NBAS: variants seen among roughly 807,000 people sequenced by gnomAD.
The protein encoded by NBAS is NBAS subunit of NRZ tethering complex, also known as NAG/BC035112 fusion.
A neutral mutation model predicts 302.5 loss-of-function variants in NBAS; 219 were observed. The ratio of observed to expected loss-of-function variants is 0.72; its 90% confidence interval spans 0.65 to 0.81. The LOEUF (loss-of-function observed/expected upper bound fraction) is 0.81, where lower values mean the gene tolerates loss of function less well. Ranked by LOEUF, NBAS falls within the 30% of genes least tolerant of loss-of-function variation. The pLI is 0.00. For missense variants in NBAS, 2,932 were observed against 2,841.6 expected (o/e 1.03, Z -0.72); for synonymous variants, 1,118 against 1,021.6 (o/e 1.09, Z -1.80).
intron 44 of NBAS, among the ~76,000 whole-genome samples, chr2:15,268,487 T>G (rs1183241063): frequency 6.6e-6 from 1 of 152,150 alleles, no homozygotes; most frequent in Admixed American, 6.6e-5. Context: ...ATGGTAATAC[T>G]TAGGACAATT....
At chr2:15,419,830 G>T (rs1302077858) in intron 23 of NBAS, among the ~76,000 whole-genome samples, 1 of 151,870 alleles carries the variant, frequency 6.6e-6, no homozygotes, top group Non-Finnish European at 1.5e-5. Flanking sequence ...TCCTGCCTCA[G>T]CCTCCCGAGT....
intron 48 of NBAS, among the ~76,000 whole-genome samples, chr2:15,198,465 A>G (rs1665719825): frequency 1.3e-5 from 2 of 152,158 alleles, no homozygotes; most frequent in South Asian, 2.1e-4. Flanking sequence ...GAGGTAAGGG[A>G]AAAAAGAGAA....
chr2:14,806,111 G>C, the NBAS span, among the ~76,000 whole-genome samples: 16 of 152,090 alleles, frequency 1.1e-4, no homozygotes, highest in African/African-American at 3.6e-4. Context: ...ACACATATGG[G>C]TTTCCCCTGA....
chr2:15,165,104 G>A (rs951074013), downstream of NBAS, among the ~76,000 whole-genome samples: 7 of 152,214 alleles, frequency 4.6e-5, no homozygotes, highest in African/African-American at 1.7e-4. Context: ...GAAGAAAAAG[G>A]TCTCAGGAGG....
chr2:15,480,015 A>G (rs1680359469), intron 12 of NBAS, among the ~76,000 whole-genome samples: 1 of 152,038 alleles, frequency 6.6e-6, no homozygotes, highest in African/African-American at 2.4e-5. Context: ...CTTCCTACAC[A>G]CTCCCAAAAG....
intron 12 of NBAS, among the ~76,000 whole-genome samples, chr2:15,480,487 G>T (rs560431282): frequency 1.3e-5 from 2 of 152,174 alleles, no homozygotes; most frequent in East Asian, 3.9e-4. Flanking sequence ...CACAAAGAGA[G>T]GTATAGATAA....
At chr2:15,105,344 A>C in the NBAS span, among the ~76,000 whole-genome samples, 33 of 152,104 alleles carry the variant, frequency 2.2e-4, no homozygotes, top group Admixed American at 6.6e-4. Context: ...CCACCATGGC[A>C]TGTGTATACC....
At chr2:14,925,330 A>T in the NBAS span, among the ~76,000 whole-genome samples, 10 of 152,224 alleles carry the variant, frequency 6.6e-5, no homozygotes, top group South Asian at 2.1e-3. Flanking sequence ...CGCCTTAGAG[A>T]GGAGTTATTC....
the NBAS span, among the ~76,000 whole-genome samples, chr2:15,011,917 G>A: frequency 6.6e-6 from 1 of 152,108 alleles, no homozygotes; most frequent in African/African-American, 2.4e-5. Context: ...CTATATGAAT[G>A]AGTATTTTCC....
intron 40 of NBAS, among the ~76,000 whole-genome samples, chr2:15,305,840 A>G (rs965528636): frequency 6.6e-6 from 1 of 152,214 alleles, no homozygotes; most frequent in African/African-American, 2.4e-5. Context: ...GTAGGCAAAC[A>G]GTAGGACCTT....
chr2:15,144,065 A>AT, the NBAS span, among the ~76,000 whole-genome samples: 33 of 121,608 alleles, frequency 2.7e-4, 2 homozygotes, highest in East Asian at 2.1e-3. Context: ...ATATATATAT[A>AT]TATCTCCCAT....
At chr2:14,852,811 A>C in the NBAS span, among the ~76,000 whole-genome samples, 2 of 141,264 alleles carry the variant, frequency 1.4e-5, no homozygotes, top group Non-Finnish European at 3.0e-5. Flanking sequence ...GAGAAAAACA[A>C]GCAATGGGGA....
intron 21 of NBAS, among the ~76,000 whole-genome samples, chr2:15,444,797 C>T (rs994375451): frequency 6.6e-6 from 1 of 151,514 alleles, no homozygotes; most frequent in East Asian, 1.9e-4. Flanking sequence ...TGAACTCAAA[C>T]AAATTTACAA....
chr2:14,981,840 GCTGGAGT>G, the NBAS span, among the ~76,000 whole-genome samples: 1 of 152,212 alleles, frequency 6.6e-6, no homozygotes, highest in Non-Finnish European at 1.5e-5. Context: ...TCACCAGAAT[GCTGGAGT>G]TTATGACAGC....
At chr2:14,909,319 C>CAA in the NBAS span, among the ~76,000 whole-genome samples, 156 of 46,684 alleles carry the variant, frequency 3.3e-3, 2 homozygotes, top group African/African-American at 1.0e-2. Context: ...GACTCCGTCT[C>CAA]AAAAAAAAAA....
chr2:14,791,295 T>G, the NBAS span, among the ~76,000 whole-genome samples: 1 of 152,208 alleles, frequency 6.6e-6, no homozygotes, highest in Non-Finnish European at 1.5e-5. Flanking sequence ...CCGGCCTTCA[T>G]GCCTTTTTTC....
intron 31 of NBAS, among the ~76,000 whole-genome samples, chr2:15,373,475 C>T (rs1044504177): frequency 3.9e-5 from 6 of 152,072 alleles, no homozygotes; most frequent in African/African-American, 7.2e-5. Context: ...GGACTACATA[C>T]GCATGCCATT....
the NBAS span, among the ~76,000 whole-genome samples, chr2:14,922,159 T>C: frequency 1.3e-5 from 2 of 152,158 alleles, no homozygotes; most frequent in East Asian, 3.9e-4. Flanking sequence ...AAAACAGAGA[T>C]GTCAGAAAAG....
chr2:15,161,865 A>T, the NBAS span, among the ~76,000 whole-genome samples: 1 of 152,298 alleles, frequency 6.6e-6, no homozygotes, highest in East Asian at 1.9e-4. Flanking sequence ...CAAGTGTCAA[A>T]AGAGATAAAC....
Sources: allele counts gnomAD v4.1 joint callset (sites outside exome capture counted in the v4.1 genomes callset), GRCh38; gene constraint gnomAD v4.1.1; transcripts MANE v1.5; gene names NCBI Gene and HGNC (gene_info 2026-07-23, HGNC 2026-07-21).